Variants in GGT5 observed in about 807,000 individuals in gnomAD.
GGT5 encodes the protein glutathione hydrolase 5 proenzyme.
GGT5 carries 50 observed loss-of-function variants against 58.1 expected under a neutral mutation model. The observed-to-expected ratio is 0.86, with a 90% CI of 0.69 to 1.09. The LOEUF is 1.09. Among genes scored for constraint, GGT5 ranks in the 50% least tolerant of loss-of-function variants. The pLI is 0.00. For synonymous variants in GGT5, 370 were observed against 346.1 expected (o/e 1.07, Z -0.77); for missense variants, 800 against 789.4 (o/e 1.01, Z -0.16).
intron 8 of GGT5, 72 bp from the exon 9 acceptor site, chr22:24,225,724 C>T (rs1256667156): frequency 8.0e-6 from 7 of 874,588 alleles, no homozygotes; most frequent in Non-Finnish European, 1.3e-5. Flanking sequence ...ACCCTGCACG[C>T]TTTGCAGGAC....
chr22:24,220,163 A>G (rs1460296343), intron 11 of GGT5, 47 bp from the exon 12 acceptor site: 2 of 1,595,876 alleles, frequency 1.3e-6, no homozygotes, highest in East Asian at 2.2e-5. Flanking sequence ...AGCTCAGCCC[A>G]TCTCCAGGAG....
At chr22:24,244,518 A>G (rs371632201) in intron 1 of GGT5, 35 bp downstream of exon 1, 30 of 1,589,246 alleles carry the variant, frequency 1.9e-5, no homozygotes, top group African/African-American at 1.2e-4. Flanking sequence ...GCTGGCTGCC[A>G]AGGGCCACCC....
Position 24,228,072 on chromosome 22 carries a change from CAA to C in GGT5, c.902-1307_902-1306del, listed in dbSNP as rs1183981939. 5.8e-5 allele frequency among the ~76,000 whole-genome samples: 3 copies of C among 51,874 alleles called. No individual in the cohort carries two copies. In the East Asian group the frequency reaches 1.4e-3, roughly 24 times the overall value. 34.0% of individuals were successfully genotyped at this position (51,874 alleles called of 152,430 possible). A position where few individuals can be genotyped will look rare whatever the true frequency, so the allele number is the denominator to read the frequency against. ...TCAAAAAAAAAAAAAAAAAACAAAACAAAAAAAAAAAAACTCTGAAAAATAGA... is the reference window on the plus strand; with the variant it reads ...TCAAAAAAAAAAAAAAAAAACAAAACAAAAAAAAAAACTCTGAAAAATAGA... On this transcript the variant is annotated intron_variant, in intron 6 of 11. Transcript: ENST00000327365.
At chr22:24,235,076 TG>T (rs1296776180) in intron 1 of GGT5, among the ~76,000 whole-genome samples, 12 of 147,412 alleles carry the variant, frequency 8.1e-5, no homozygotes, top group Non-Finnish European at 1.6e-4. Flanking sequence ...TTTTTTTTTT[TG>T]AGACAGAGTT....
chr22:24,236,468 A>C (rs2148929143), intron 1 of GGT5, among the ~76,000 whole-genome samples: 1 of 152,310 alleles, frequency 6.6e-6, no homozygotes, highest in Admixed American at 6.5e-5. Context: ...CATTTTAAAA[A>C]AATAATCTGT....
chr22:24,240,734 C>T (rs2048304772), intron 1 of GGT5, among the ~76,000 whole-genome samples: 1 of 152,130 alleles, frequency 6.6e-6, no homozygotes, highest in South Asian at 2.1e-4. Flanking sequence ...CTTCAGCGAC[C>T]CACTCACCTT....
intron 6 of GGT5, among the ~76,000 whole-genome samples, chr22:24,230,168 G>A (rs1015232118): frequency 6.6e-6 from 1 of 152,074 alleles, no homozygotes; most frequent in Non-Finnish European, 1.5e-5. Context: ...AGAAGTTCAA[G>A]ACCAGCCTGA....
intron 1 of GGT5, chr22:24,240,960 C>T (rs1268374033): frequency 2.6e-5 from 4 of 152,066 alleles, no homozygotes; most frequent in Non-Finnish European, 4.4e-5. Context: ...GAGTTTGAGA[C>T]CAGCCTGACC....
At chr22:24,223,518 C>T (rs1029363238) in intron 11 of GGT5, among the ~76,000 whole-genome samples, 2 of 152,128 alleles carry the variant, frequency 1.3e-5, no homozygotes, top group African/African-American at 4.8e-5. Flanking sequence ...GTCTTCCTGT[C>T]ATGCGAAGGA....
intron 4 of GGT5, among the ~76,000 whole-genome samples, chr22:24,232,586 C>G (rs2047977388): frequency 6.6e-6 from 1 of 152,012 alleles, no homozygotes; most frequent in Non-Finnish European, 1.5e-5. Context: ...TGGCAGAGCC[C>G]AAATCCACAC....
At chr22:24,224,292 T>C (rs2047683913) in intron 11 of GGT5, among the ~76,000 whole-genome samples, 1 of 151,904 alleles carries the variant, frequency 6.6e-6, no homozygotes, top group Non-Finnish European at 1.5e-5. Flanking sequence ...GGAAGATTGC[T>C]TGAGCTCAGG....
intron 2 of GGT5, 35 bp from the exon 3 acceptor site, chr22:24,233,628 C>T (rs34162764): frequency 0.062 from 79,493 of 1,283,096 alleles, 2,841 homozygotes; most frequent in South Asian, 0.085. Flanking sequence ...TGGTCATGGA[C>T]CCTGCAGACA....
chr22:24,236,350 C>A (rs1249076887), intron 1 of GGT5, among the ~76,000 whole-genome samples: 1 of 152,182 alleles, frequency 6.6e-6, no homozygotes, highest in Admixed American at 6.5e-5. Context: ...ACTCTGGATG[C>A]AGGTTCTACC....
intron 1 of GGT5, chr22:24,242,487 C>T (rs1013572940): frequency 1.3e-5 from 2 of 152,274 alleles, no homozygotes; most frequent in South Asian, 2.1e-4. Flanking sequence ...GTCCCAGCTA[C>T]TCAGGAGGCT....
At chr22:24,238,950 AT>A (rs1303114617) in intron 1 of GGT5, among the ~76,000 whole-genome samples, 4,067 of 44,390 alleles carry the variant, frequency 0.092, 831 homozygotes, top group Admixed American at 0.16. Flanking sequence ...ATATATATAT[AT>A]ATATATAATA....
rs1195212523 is a variant in GGT5, at chr22:24,232,868, A to G, written c.551T>C (p.Leu184Pro). ...HVVAPVLSRF[L>P]HNSILRPSLQ... ...GGAAGGCCGCAGGATGCTGTTGTGC[A>G]GGAAACGGCTGAGGACAGGGGCCAC... Residue 184 changes from leucine (L) to proline (P), a missense_variant, in exon 4 of 12, where the codon CTG (leucine) becomes CCG (proline). Leu to Pro is a moderately conservative substitution (Grantham distance 98, BLOSUM62 -3). Transcript: ENST00000327365. The G allele has an allele frequency of 1.3e-6, 2 of 1,576,514 alleles. No individual in the cohort carries two copies. Among genetic ancestry groups the G allele is most frequent in the South Asian group, 1.2e-5 (1 of 86,436 alleles).
At chr22:24,235,614 C>T (rs1431092088) in intron 1 of GGT5, among the ~76,000 whole-genome samples, 1 of 152,174 alleles carries the variant, frequency 6.6e-6, no homozygotes, top group Non-Finnish European at 1.5e-5. Flanking sequence ...GGAAAGAGAG[C>T]ACAAAGCCAG....
At chr22:24,233,433 G>T in intron 3 of GGT5, 65 bp downstream of exon 3, 2 of 868,516 alleles carry the variant, frequency 2.3e-6, no homozygotes, top group South Asian at 1.6e-5. Flanking sequence ...GCTCCTTTGC[G>T]GGGGTGTTCT....
intron 1 of GGT5, among the ~76,000 whole-genome samples, chr22:24,237,143 C>T (rs2048122513): frequency 6.6e-6 from 1 of 151,932 alleles, no homozygotes; most frequent in Admixed American, 6.6e-5. Flanking sequence ...TGAAGCAATC[C>T]TCCTGCCTCA....
Sources: allele counts gnomAD v4.1 joint callset (sites outside exome capture counted in the v4.1 genomes callset), GRCh38; gene constraint gnomAD v4.1.1; transcripts MANE v1.5; gene names NCBI Gene and HGNC (gene_info 2026-07-23, HGNC 2026-07-21).